The following ADIRF variants were observed in gnomAD, a reference collection of about 807,000 sequenced individuals.
ADIRF encodes adipogenesis regulatory factor.
ADIRF carries 9 observed loss-of-function variants against 7.8 expected under a neutral mutation model. The observed-to-expected ratio is 1.15, with a 90% CI of 0.70 to 2.01. The LOEUF is 2.01. Among genes scored for constraint, ADIRF ranks in the 30% most tolerant of loss-of-function variants. The pLI, the probability that ADIRF is intolerant of heterozygous loss-of-function variation, is 0.00. For missense variants in ADIRF, 106 were observed against 98.1 expected, an observed-to-expected ratio of 1.08 and a Z score of -0.34; for synonymous variants, 48 against 39.9, an observed-to-expected ratio of 1.20 and a Z score of -0.77.
At chr10:86,969,777 A>T (rs1844545903) in intron 1 of ADIRF, 1 of 155,292 alleles carries the variant, frequency 6.4e-6, no homozygotes, top group Non-Finnish European at 1.4e-5. Context: ...TAAGTGCATG[A>T]AAGGTGGGAA....
intron 1 of ADIRF, chr10:86,969,567 TGAC>T (rs1222754444): frequency 2.0e-5 from 3 of 152,238 alleles, no homozygotes; most frequent in Non-Finnish European, 4.4e-5. Flanking sequence ...CCGGGGCTGG[TGAC>T]TCCATTCCCA....
At chr10:86,968,733 C>A in intron 1 of ADIRF, 128 bp downstream of exon 1, 1 of 1,084,352 alleles carries the variant, frequency 9.2e-7, no homozygotes, top group Non-Finnish European at 1.3e-6. Flanking sequence ...CGGTCCTCCA[C>A]TGAGACGCAG....
In ADIRF at chr10:86,970,842, C is replaced by G; in HGVS notation, c.*260C>G. 1 of 551,646 alleles carries G rather than the reference C, an allele frequency of 1.8e-6. No individual in the cohort carries two copies. 34.2% of individuals were successfully genotyped at this position (551,646 alleles called of 1,614,324 possible). A position where few individuals can be genotyped will look rare whatever the true frequency, so the allele number is the denominator to read the frequency against. ...TCCCAAATTCGGAAATCCAATCCAA[C>G]GGTCTCAGGAATGTTTTCCATCCCG... On this transcript the variant is annotated 3_prime_UTR_variant, in exon 3 of 3. Transcript: ENST00000372013.
At position 86,968,486 on chromosome 10, in the gene ADIRF, T is replaced by C; in HGVS notation, c.-59T>C. 1 of 1,603,374 alleles carries C rather than the reference T, an allele frequency of 6.2e-7. No homozygotes were observed. Among genetic ancestry groups the C allele is most frequent in the Non-Finnish European group, 8.5e-7 (1 of 1,173,060 alleles). On this transcript the variant is annotated 5_prime_UTR_variant, in exon 1 of 3. Transcript: ENST00000372013. ...GAGCTGGCGCTTGGCATCGCCACTC[T>C]GGGCAGGATCCAACGTCGCTCCAGC... is the stretch of plus-strand genomic sequence containing the variant.
intron 1 of ADIRF, chr10:86,969,856 C>T (rs1467341571): frequency 5.2e-6 from 1 of 192,230 alleles, no homozygotes; most frequent in Non-Finnish European, 1.1e-5. Flanking sequence ...TGCGCCATCA[C>T]CAGCATTAGC....
chr10:86,968,781 T>G, intron 1 of ADIRF, 176 bp downstream of exon 1: 1 of 648,332 alleles, frequency 1.5e-6, no homozygotes, highest in Non-Finnish European at 2.5e-6. Flanking sequence ...AGCAGACAGA[T>G]GGTGCCCGCA....
chr10:86,970,037 C>G, intron 1 of ADIRF, 163 bp from the exon 2 acceptor site: 1 of 548,250 alleles, frequency 1.8e-6, no homozygotes. Flanking sequence ...TCTCCTGCCC[C>G]TCGGGCTGGG....
At chr10:86,970,149 G>A in intron 1 of ADIRF, 51 bp from the exon 2 acceptor site, 1 of 1,406,320 alleles carries the variant, frequency 7.1e-7, no homozygotes, top group Non-Finnish European at 9.4e-7. Flanking sequence ...TGGGGCACCT[G>A]TAGTCGGTGG....
At chr10:86,970,010 CCA>C in intron 1 of ADIRF, 188 bp from the exon 2 acceptor site, 1 of 426,238 alleles carries the variant, frequency 2.3e-6, no homozygotes, top group Non-Finnish European at 4.1e-6. Flanking sequence ...CAAAAACATC[CCA>C]GAGGCATGGA....
chr10:86,970,799 G>T lies in ADIRF; in HGVS notation c.*217G>T. ...CTCTCATCCCAAGAGCAGAGCCACC[G>T]TAGCCGGAGTCCTAGCCTCCCAAAT... On this transcript the variant is annotated 3_prime_UTR_variant, in exon 3 of 3. Transcript: ENST00000372013. 1 of 632,066 alleles carries T rather than the reference G, an allele frequency of 1.6e-6. No individual in the cohort carries two copies. The highest frequency in any genetic ancestry group is 2.9e-6 in the Non-Finnish European group (1 of 340,586). 39.2% of individuals were successfully genotyped at this position (632,066 alleles called of 1,614,324 possible). A position where few individuals can be genotyped will look rare whatever the true frequency, so the allele number is the denominator to read the frequency against.
rs376571826 is a variant in ADIRF at position 86,970,463 on chromosome 10, C to T, written c.125-13C>T. On this transcript the variant is annotated splice_polypyrimidine_tract_variant and intron_variant, in intron 2 of 2. Coordinates refer to ENST00000372013, the MANE Select transcript of ADIRF (RefSeq NM_006829.3). ...GCCCTGCCTGACCTGCCCTCTCTCC[C>T]GCCCTTCCCCAGCCATGGACCAGCT... 7.8e-5 allele frequency: 125 copies of T among 1,608,262 alleles called. No individual in the cohort carries two copies. The highest frequency in any genetic ancestry group is 3.3e-4 in the Middle Eastern group (2 of 6,078).
rs1276716719 is a variant in ADIRF, at chr10:86,970,461, C to T, written c.125-15C>T. ...GGGCCCTGCCTGACCTGCCCTCTCT[C>T]CCGCCCTTCCCCAGCCATGGACCAG... On this transcript the variant is annotated splice_polypyrimidine_tract_variant and intron_variant, in intron 2 of 2. Coordinates refer to ENST00000372013, the MANE Select transcript of ADIRF (RefSeq NM_006829.3). 2 of 1,607,804 alleles carry T rather than the reference C, an allele frequency of 1.2e-6. No individual in the cohort carries two copies. The highest frequency in any genetic ancestry group is 4.5e-5 in the East Asian group (2 of 44,772).
At position 86,970,733 on chromosome 10, in the gene ADIRF, C is replaced by T. The variant is rs112083892; in HGVS notation, c.*151C>T. 2 of 724,662 alleles carry T rather than the reference C, an allele frequency of 2.8e-6. No individual in the cohort carries two copies. The highest frequency in any genetic ancestry group is 4.9e-6 in the Non-Finnish European group (2 of 404,352). 44.9% of individuals were successfully genotyped at this position (724,662 alleles called of 1,614,324 possible). On this transcript the variant is annotated 3_prime_UTR_variant, in exon 3 of 3. Coordinates refer to ENST00000372013, the MANE Select transcript of ADIRF (RefSeq NM_006829.3). ...CCCTCATTAAAATTCACGTTCCCAC[C>T]CTGTGTCCACTTCATGATTCCTCGC...
chr10:86,968,534 AC>A lies in ADIRF; in HGVS notation c.-7del, dbSNP rs1464125715. 10 of 1,613,184 alleles carry A rather than the reference AC, an allele frequency of 6.2e-6. No individual in the cohort carries two copies. The highest frequency in any genetic ancestry group is 8.5e-6 in the Non-Finnish European group (10 of 1,179,730). Reference sequence around the variant, plus strand: ...AGCTGCTCTTGACGACTCCACAGATACCCCGAAGCCATGGCAAGCAAGGGCT... The same window carrying A: ...AGCTGCTCTTGACGACTCCACAGATACCCGAAGCCATGGCAAGCAAGGGCT... On this transcript the variant is annotated 5_prime_UTR_variant, in exon 1 of 3. Coordinates refer to ENST00000372013, the MANE Select transcript of ADIRF (RefSeq NM_006829.3).
intron 2 of ADIRF, 33 bp from the exon 3 acceptor site, chr10:86,970,443 G>T: frequency 3.1e-6 from 5 of 1,590,430 alleles, no homozygotes; most frequent in Non-Finnish European, 4.3e-6. Context: ...CCCGGGCCCT[G>T]CCTGACCTGC....
At chr10:86,969,457 ACCCTTTCCG>A (rs1589318160) in intron 1 of ADIRF, 1 of 152,182 alleles carries the variant, frequency 6.6e-6, no homozygotes, top group East Asian at 1.9e-4. Flanking sequence ...TGCCTGACTA[ACCCTTTCCG>A]GAGGATGGGA....
chr10:86,970,798 C>A lies in ADIRF; in HGVS notation c.*216C>A. Reference sequence around the variant, plus strand: ...CCTCTCATCCCAAGAGCAGAGCCACCGTAGCCGGAGTCCTAGCCTCCCAAA... The same window carrying A: ...CCTCTCATCCCAAGAGCAGAGCCACAGTAGCCGGAGTCCTAGCCTCCCAAA... On this transcript the variant is annotated 3_prime_UTR_variant, in exon 3 of 3. Coordinates refer to ENST00000372013, the MANE Select transcript of ADIRF (RefSeq NM_006829.3). 1.6e-6 allele frequency: 1 copy of A among 633,162 alleles called. No homozygotes were observed. The highest frequency in any genetic ancestry group is 2.9e-6 in the Non-Finnish European group (1 of 341,312). The allele number at this position is 633,162 out of a possible 1,614,324, so 39.2% of individuals were successfully genotyped here.
intron 1 of ADIRF, chr10:86,968,825 G>A: frequency 3.8e-6 from 2 of 532,796 alleles, no homozygotes; most frequent in East Asian, 3.5e-5. Flanking sequence ...CGGAGGAGCC[G>A]GAGCTGCGCT....
chr10:86,970,448 A>C (rs1413287965), intron 2 of ADIRF, 28 bp from the exon 3 acceptor site: 4 of 1,595,690 alleles, frequency 2.5e-6, no homozygotes, highest in Non-Finnish European at 3.4e-6. Context: ...GCCCTGCCTG[A>C]CCTGCCCTCT....
Sources: gnomAD v4.1 joint callset for allele counts on GRCh38, gnomAD v4.1.1 for gene constraint, MANE v1.5 for transcripts, NCBI Gene and HGNC (gene_info 2026-07-23, HGNC 2026-07-21) for gene names.